The following TRERF1 variants were observed in gnomAD, a reference collection of about 807,000 sequenced individuals.
The protein encoded by TRERF1 is transcriptional regulating factor 1, also known as transcriptional-regulating factor 1.
In TRERF1, 27 loss-of-function variants were observed where a neutral mutation model predicts 122.9. The ratio of observed to expected loss-of-function variants is 0.22; its 90% CI spans 0.16 to 0.30. The LOEUF (loss-of-function observed/expected upper bound fraction) is 0.30. Among genes scored for constraint, TRERF1 ranks in the 10% least tolerant of loss-of-function variants. The pLI, the probability that TRERF1 is intolerant of heterozygous loss-of-function variation, is 1.00. For missense variants in TRERF1, 1,248 were observed against 1,560.3 expected, an observed-to-expected ratio of 0.80 and a Z score of 3.37; for synonymous variants, 636 against 641.7, an observed-to-expected ratio of 0.99 and a Z score of 0.13.
intron 2 of TRERF1, among the ~76,000 whole-genome samples, chr6:42,442,262 T>G (rs938738302): frequency 6.6e-6 from 1 of 151,922 alleles, no homozygotes; most frequent in African/African-American, 2.4e-5. Flanking sequence ...TTTTTTTCTT[T>G]TCCTTTAAAA....
chr6:42,274,214 A>G (rs1446374036), intron 4 of TRERF1, among the ~76,000 whole-genome samples: 1 of 152,208 alleles, frequency 6.6e-6, no homozygotes, highest in African/African-American at 2.4e-5. Flanking sequence ...CTGTGTTTTA[A>G]TGAGCCCTCT....
intron 2 of TRERF1, among the ~76,000 whole-genome samples, chr6:42,433,916 G>A (rs546615132): frequency 2.4e-4 from 36 of 152,126 alleles, no homozygotes; most frequent in Non-Finnish European, 4.1e-4. Flanking sequence ...TCCCAGCTAC[G>A]GGAGGCTGAG....
chr6:42,375,003 CAAA>C (rs55696342), intron 2 of TRERF1, among the ~76,000 whole-genome samples: 14 of 87,500 alleles, frequency 1.6e-4, no homozygotes, highest in African/African-American at 1.7e-4. Flanking sequence ...AAGATTCTGT[CAAA>C]AAAAAAAAAA....
At chr6:42,431,819 A>C (rs981790760) in intron 2 of TRERF1, among the ~76,000 whole-genome samples, 23 of 152,088 alleles carry the variant, frequency 1.5e-4, no homozygotes, top group African/African-American at 5.1e-4. Context: ...ACCAGGTCCC[A>C]AATGCACCTT....
At chr6:42,445,639 C>T (rs1399681031) in intron 2 of TRERF1, among the ~76,000 whole-genome samples, 1 of 152,108 alleles carries the variant, frequency 6.6e-6, no homozygotes, top group Non-Finnish European at 1.5e-5. Flanking sequence ...CTTTCTTCAT[C>T]TCAGGAAACA....
intron 2 of TRERF1, among the ~76,000 whole-genome samples, chr6:42,386,593 A>G (rs961752131): frequency 1.3e-5 from 2 of 152,188 alleles, no homozygotes; most frequent in Non-Finnish European, 2.9e-5. Flanking sequence ...TTAGAGAATT[A>G]ATGTTAGGGG....
intron 3 of TRERF1, among the ~76,000 whole-genome samples, chr6:42,330,450 C>T (rs557107988): frequency 6.6e-6 from 1 of 152,062 alleles, no homozygotes; most frequent in Non-Finnish European, 1.5e-5. Flanking sequence ...AACATAGGTT[C>T]AAAGATATTC....
chr6:42,372,683 G>C (rs780750866), intron 2 of TRERF1, among the ~76,000 whole-genome samples: 7 of 152,230 alleles, frequency 4.6e-5, no homozygotes, highest in Non-Finnish European at 8.8e-5. Flanking sequence ...AGAATCGCCT[G>C]CCACTGATGC....
rs896232415 is a variant in TRERF1, at chr6:42,315,711, C to T, written c.-370-14962G>A. Among the ~76,000 whole-genome samples, 170 of 149,560 alleles carry T rather than the reference C, an allele frequency of 1.1e-3. 3 individuals carry two copies. Among genetic ancestry groups the T allele is most frequent in the African/African-American group, 3.9e-3 (159 of 40,402 alleles). On this transcript the variant is annotated intron_variant, in intron 3 of 17. Coordinates refer to ENST00000372922, the Ensembl canonical transcript of TRERF1. ...GGGTTGGGGAGAGGAACACCACCCC[C>T]CCCCCCACCCACTGCCACCCCCTAA...
chr6:42,286,122 C>T (rs1582818692), intron 4 of TRERF1, among the ~76,000 whole-genome samples: 2 of 149,358 alleles, frequency 1.3e-5, no homozygotes, highest in African/African-American at 4.9e-5. Context: ...CTTCCTTACA[C>T]CTTATACAAA....
chr6:42,283,807 G>A (rs1292111725), intron 4 of TRERF1, among the ~76,000 whole-genome samples: 1 of 151,574 alleles, frequency 6.6e-6, no homozygotes. Flanking sequence ...GTAGAGACGG[G>A]GTTTCTCCAT....
At chr6:42,435,530 G>A (rs1785179150) in intron 2 of TRERF1, among the ~76,000 whole-genome samples, 1 of 152,048 alleles carries the variant, frequency 6.6e-6, no homozygotes, top group African/African-American at 2.4e-5. Context: ...CAGCCTGGGT[G>A]ACAGAGTAAT....
intron 3 of TRERF1, among the ~76,000 whole-genome samples, chr6:42,327,405 T>C (rs1764480523): frequency 6.6e-6 from 1 of 152,204 alleles, no homozygotes; most frequent in African/African-American, 2.4e-5. Flanking sequence ...AGAGGAGTCA[T>C]TGACCCAATC....
chr6:42,259,442 C>G lies in TRERF1; in HGVS notation c.2166G>C (p.Gly722=), dbSNP rs774969732. The change falls in exon 9 of 18, where the codon GGG becomes GGC. Residue 722 remains glycine, a synonymous_variant. Transcript: ENST00000372922. This position sits in a 1 kb window ranked among gnomAD's most constrained non-coding sequence, Gnocchi z 4.9. ...CGGAGATGAGGACATTGCTGAAGAG[C>G]CCCGAGCCCTGGCGCACCGGGCTCA... 45 of 1,597,156 alleles carry G rather than the reference C, an allele frequency of 2.8e-5. No homozygotes were observed. Among genetic ancestry groups the G allele is most frequent in the Non-Finnish European group, 3.8e-5 (45 of 1,175,928 alleles).
chr6:42,268,106 A>G lies in TRERF1; in HGVS notation c.1437+48T>C. 7.1e-7 allele frequency: 1 copy of G among 1,410,956 alleles called. No individual in the cohort carries two copies. The highest frequency in any genetic ancestry group is 9.3e-7 in the Non-Finnish European group (1 of 1,079,180). The allele number at this position is 1,410,956 out of a possible 1,614,324, so 87.4% of individuals were successfully genotyped here. A position where few individuals can be genotyped will look rare whatever the true frequency, so the allele number is the denominator to read the frequency against. On this transcript the variant is annotated intron_variant, in intron 5 of 17. Coordinates refer to ENST00000372922, the Ensembl canonical transcript of TRERF1. The surrounding 1 kb of genome is among the most constrained non-coding windows in gnomAD (Gnocchi z 4.4). ...ATTGAGCACTGCAGACTCAGCCCTG[A>G]CCCTGTAGCACACTGGGTATTGAGA... is the stretch of plus-strand genomic sequence containing the variant.
At chr6:42,392,528 A>C (rs901353063) in intron 2 of TRERF1, among the ~76,000 whole-genome samples, 1 of 152,162 alleles carries the variant, frequency 6.6e-6, no homozygotes, top group Non-Finnish European at 1.5e-5. Flanking sequence ...TTTTAGGCTA[A>C]CTAACTGAAA....
chr6:42,265,775 G>A (rs1779037609), exon 6 of TRERF1: 1 of 1,613,182 alleles, frequency 6.2e-7, no homozygotes, highest in Non-Finnish European at 8.5e-7. Context: ...CCCTGGCTGG[G>A]CTCTCCCATC....
chr6:42,430,666 T>C (rs1477120109), intron 2 of TRERF1, among the ~76,000 whole-genome samples: 1 of 151,802 alleles, frequency 6.6e-6, no homozygotes, highest in Non-Finnish European at 1.5e-5. Flanking sequence ...GAGGCCAAGG[T>C]GGGTGGATCA....
At chr6:42,305,898 C>A (rs1268662584) in intron 3 of TRERF1, among the ~76,000 whole-genome samples, 1 of 150,804 alleles carries the variant, frequency 6.6e-6, no homozygotes, top group African/African-American at 2.4e-5. Flanking sequence ...CAAATGAGTT[C>A]TATGTGGAGA....
Sources: gnomAD v4.1 joint callset for allele counts (sites outside exome capture counted in the v4.1 genomes callset) on GRCh38, gnomAD v4.1.1 for gene constraint, Gnocchi (gnomAD v3.1) non-coding constraint, MANE v1.5 for transcripts, NCBI Gene and HGNC (gene_info 2026-07-23, HGNC 2026-07-21) for gene names.